Variants in TMEM45B observed in about 807,000 individuals in gnomAD.
The protein encoded by TMEM45B is transmembrane protein 45B.
A neutral mutation model predicts 27.3 loss-of-function variants in TMEM45B; 29 were observed. The observed-to-expected ratio is 1.06, with a 90% CI of 0.79 to 1.45. The LOEUF is 1.45. Among genes scored for constraint, TMEM45B ranks in the 40% most tolerant of loss-of-function variants. The pLI is 0.00. For missense variants in TMEM45B, 348 were observed against 343.9 expected, an observed-to-expected ratio of 1.01 and a Z score of -0.09; for synonymous variants, 143 against 134.7, an observed-to-expected ratio of 1.06 and a Z score of -0.43.
intron 1 of TMEM45B, among the ~76,000 whole-genome samples, chr11:129,817,995 A>G (rs1947372215): frequency 6.6e-6 from 1 of 152,214 alleles, no homozygotes; most frequent in South Asian, 2.1e-4. Flanking sequence ...TTATAGACAC[A>G]TTCCATATTT....
chr11:129,856,938 C>T (rs949976841), intron 4 of TMEM45B, among the ~76,000 whole-genome samples: 8 of 151,210 alleles, frequency 5.3e-5, no homozygotes, highest in Admixed American at 3.9e-4. Flanking sequence ...CTGCAACCTC[C>T]GCCTCCCAGG....
At chr11:129,846,346 C>T (rs115827480) in intron 1 of TMEM45B, among the ~76,000 whole-genome samples, 290 of 152,102 alleles carry the variant, frequency 1.9e-3, no homozygotes, top group African/African-American at 6.6e-3. Context: ...CACCATCCTT[C>T]ATTCCAGCTA....
intron 1 of TMEM45B, among the ~76,000 whole-genome samples, chr11:129,841,060 G>C (rs1231748239): frequency 6.6e-6 from 1 of 151,184 alleles, no homozygotes; most frequent in Non-Finnish European, 1.5e-5. Context: ...CAAAATGCAG[G>C]CAAAAAATTG....
intron 1 of TMEM45B, among the ~76,000 whole-genome samples, chr11:129,816,530 C>T (rs1947353281): frequency 6.6e-6 from 1 of 152,030 alleles, no homozygotes; most frequent in Non-Finnish European, 1.5e-5. Flanking sequence ...TGGATGGAAG[C>T]GGATGTCAGG....
At chr11:129,818,719 C>T (rs1345671986) in intron 1 of TMEM45B, among the ~76,000 whole-genome samples, 1 of 152,034 alleles carries the variant, frequency 6.6e-6, no homozygotes, top group Admixed American at 6.6e-5. Context: ...AATTTAGAAA[C>T]TCTCTCGTTT....
In TMEM45B at chr11:129,856,857, C is replaced by CT. The variant is rs34320792; in HGVS notation, c.571-441dup. 8.6e-3 allele frequency among the ~76,000 whole-genome samples: 1,116 copies of CT among 129,718 alleles called. 17 individuals are homozygous for CT. Among genetic ancestry groups the CT allele is most frequent in the African/African-American group, 0.027 (863 of 31,846 alleles). 85.1% of individuals were successfully genotyped at this position (129,718 alleles called of 152,430 possible). On this transcript the variant is annotated intron_variant, in intron 4 of 5. Coordinates refer to ENST00000281441, the MANE Select transcript of TMEM45B (RefSeq NM_138788.5). ...TACAGGCATGAGCCACCGCGCCCGG[C>CT]TTTTTTTTTTTTTTTAAGACAGTCT...
intron 1 of TMEM45B, among the ~76,000 whole-genome samples, chr11:129,823,903 G>A (rs1947449701): frequency 6.6e-6 from 1 of 152,074 alleles, no homozygotes; most frequent in South Asian, 2.1e-4. Context: ...CTTCCTTCCA[G>A]TGTCTTTGAT....
chr11:129,833,499 G>A (rs1387803098), intron 1 of TMEM45B, among the ~76,000 whole-genome samples: 1 of 152,006 alleles, frequency 6.6e-6, no homozygotes, highest in Admixed American at 6.6e-5. Context: ...TTAGGGCCAG[G>A]CGCAGTGACT....
intron 1 of TMEM45B, among the ~76,000 whole-genome samples, chr11:129,832,187 G>A (rs1374694861): frequency 6.6e-6 from 1 of 151,192 alleles, no homozygotes; most frequent in Non-Finnish European, 1.5e-5. Context: ...TAGCTAACAC[G>A]GTGAAACCCC....
chr11:129,857,459 G>C lies in TMEM45B; in HGVS notation c.716+1G>C, dbSNP rs767175231. The C allele has an allele frequency of 6.2e-7, 1 of 1,613,910 alleles. No homozygotes were observed. The highest frequency in any genetic ancestry group is 1.1e-5 in the South Asian group (1 of 91,086). ...CCGTCAACTATTCTCTTGTTTACTG[G>C]TATGTCTGAGACTTCAGTGAAGCTT... On this transcript the variant is annotated splice_donor_variant, in intron 5 of 5. Coordinates refer to ENST00000281441, the MANE Select transcript of TMEM45B (RefSeq NM_138788.5). LOFTEE classifies it high-confidence loss of function.
intron 2 of TMEM45B, among the ~76,000 whole-genome samples, chr11:129,853,679 G>A (rs1431511496): frequency 6.6e-6 from 1 of 151,834 alleles, no homozygotes; most frequent in African/African-American, 2.4e-5. Flanking sequence ...CCAGGCATAG[G>A]AGATACACTG....
intron 1 of TMEM45B, among the ~76,000 whole-genome samples, chr11:129,848,872 C>T (rs1026962241): frequency 2.0e-5 from 3 of 152,148 alleles, no homozygotes; most frequent in East Asian, 1.9e-4. Flanking sequence ...AAAAGGGAAG[C>T]AACTCCCTCC....
At chr11:129,838,753 G>A (rs149988954) in intron 1 of TMEM45B, among the ~76,000 whole-genome samples, 12 of 152,180 alleles carry the variant, frequency 7.9e-5, no homozygotes, top group African/African-American at 2.9e-4. Context: ...TGGGAGCAAC[G>A]TAATGTTAGA....
intron 1 of TMEM45B, among the ~76,000 whole-genome samples, chr11:129,838,735 T>C (rs1159767142): frequency 6.6e-6 from 1 of 152,168 alleles, no homozygotes; most frequent in East Asian, 1.9e-4. Flanking sequence ...GCTTTAACTC[T>C]CCACCTCTGG....
At chr11:129,820,276 CT>C (rs1373005896) in intron 1 of TMEM45B, among the ~76,000 whole-genome samples, 1 of 152,050 alleles carries the variant, frequency 6.6e-6, no homozygotes, top group Non-Finnish European at 1.5e-5. Context: ...GATCATGCCA[CT>C]TGCACTCCAG....
intron 1 of TMEM45B, among the ~76,000 whole-genome samples, chr11:129,842,026 G>A (rs530488967): frequency 2.0e-5 from 3 of 152,278 alleles, no homozygotes; most frequent in Non-Finnish European, 4.4e-5. Context: ...GGAGTTGGAA[G>A]GTACAATTTC....
intron 1 of TMEM45B, among the ~76,000 whole-genome samples, chr11:129,842,738 G>A (rs764161135): frequency 2.5e-4 from 38 of 152,166 alleles, no homozygotes; most frequent in Non-Finnish European, 4.1e-4. Context: ...TGGTGCTAGC[G>A]TTGATTTCTT....
chr11:129,849,272 C>T (rs141358494), intron 1 of TMEM45B, among the ~76,000 whole-genome samples: 3 of 152,204 alleles, frequency 2.0e-5, no homozygotes, highest in African/African-American at 7.2e-5. Flanking sequence ...AATACAATGG[C>T]GTGACAGGCA....
intron 1 of TMEM45B, among the ~76,000 whole-genome samples, chr11:129,840,946 T>TAAAAAAAAAAAAAAA (rs55905045): frequency 3.1e-4 from 9 of 29,266 alleles, no homozygotes; most frequent in East Asian, 1.2e-3. Context: ...TTTCTTTCTG[T>TAAAAAAAAAAAAAAA]AAAAAAAAAA....
Sources: allele counts gnomAD v4.1 joint callset (sites outside exome capture counted in the v4.1 genomes callset), GRCh38; gene constraint gnomAD v4.1.1; transcripts MANE v1.5; gene names NCBI Gene and HGNC (gene_info 2026-07-23, HGNC 2026-07-21).